ZNF16: variants seen among roughly 807,000 people sequenced by gnomAD.
The protein encoded by ZNF16 is zinc finger protein KOX9.
In ZNF16, 7 loss-of-function variants were observed where a neutral mutation model predicts 9.0. That is an observed-to-expected ratio of 0.78 (90% confidence interval 0.44 to 1.47). The LOEUF (loss-of-function observed/expected upper bound fraction) is 1.47, where lower values mean the gene tolerates loss of function less well. ZNF16 is among the 40% of genes most tolerant of loss of function. The pLI, the probability that ZNF16 is intolerant of heterozygous loss-of-function variation, is 0.01. For missense variants in ZNF16, 830 were observed against 854.2 expected (o/e 0.97, Z 0.35); for synonymous variants, 312 against 301.5 (o/e 1.03, Z -0.36).
chr8:144,943,503 C>T (rs1833851590), intron 2 of ZNF16, among the ~76,000 whole-genome samples: 1 of 151,978 alleles, frequency 6.6e-6, no homozygotes, highest in African/African-American at 2.4e-5. Flanking sequence ...GTCTCATGGT[C>T]CATTAAGTTC....
chr8:144,937,276 C>T (rs567024379), intron 2 of ZNF16, among the ~76,000 whole-genome samples: 10 of 151,170 alleles, frequency 6.6e-5, no homozygotes, highest in Admixed American at 1.3e-4. Context: ...GCTGGAACTA[C>T]GGGCACATGC....
At chr8:144,940,268 T>C (rs1403448121) in intron 2 of ZNF16, among the ~76,000 whole-genome samples, 1 of 152,068 alleles carries the variant, frequency 6.6e-6, no homozygotes, top group Non-Finnish European at 1.5e-5. Context: ...TTAGTAGAGA[T>C]GGGGTCTCAA....
At chr8:144,950,053 T>C (rs1047118687) in intron 1 of ZNF16, among the ~76,000 whole-genome samples, 1 of 152,234 alleles carries the variant, frequency 6.6e-6, no homozygotes, top group South Asian at 2.1e-4. Flanking sequence ...AGGTGAGACA[T>C]GTTGGCAGCA....
intron 1 of ZNF16, among the ~76,000 whole-genome samples, chr8:144,948,795 C>T (rs1834021611): frequency 6.6e-6 from 1 of 152,144 alleles, no homozygotes; most frequent in African/African-American, 2.4e-5. Flanking sequence ...TCTTGCTTAC[C>T]AGGACACAGA....
chr8:144,941,040 G>GT (rs1444611643), intron 2 of ZNF16, among the ~76,000 whole-genome samples: 1 of 152,126 alleles, frequency 6.6e-6, no homozygotes, highest in Non-Finnish European at 1.5e-5. Flanking sequence ...GAGGGGAGGG[G>GT]TTGGGGGGGA....
chr8:144,945,203 A>C (rs1304756642), intron 2 of ZNF16: 1 of 151,496 alleles, frequency 6.6e-6, no homozygotes, highest in Non-Finnish European at 1.5e-5. Context: ...CAGTGGCATG[A>C]TCTTAGCTCA....
In ZNF16 at chr8:144,931,830, C is replaced by A. The variant is rs964768694; in HGVS notation, c.957G>T (p.Lys319Asn). The A allele has an allele frequency of 6.2e-7, 1 of 1,614,226 alleles. No individual in the cohort carries two copies. The highest frequency in any genetic ancestry group is 2.2e-5 in the East Asian group (1 of 44,882). Reference protein sequence around the residue: ...KKHQKSHMSEKPYECNECGKA... With the variant: ...KKHQKSHMSENPYECNECGKA... ...TCCCACATTCATTGCATTCATAGGG[C>A]TTCTCACTCATGTGAGACTTTTGGT... Residue 319 changes from lysine (K) to asparagine (N), a missense_variant, in exon 3 of 3, where the codon AAG becomes AAT. Transcript: ENST00000394909.
rs1415003501 is a variant in ZNF16 at position 144,932,661 on chromosome 8, T to G, written c.197-71A>C. 3 of 1,517,756 alleles carry G rather than the reference T, an allele frequency of 2.0e-6. No homozygotes were observed. Among genetic ancestry groups the G allele is most frequent in the African/African-American group, 1.4e-5 (1 of 72,658 alleles). 94.0% of individuals were successfully genotyped at this position (1,517,756 alleles called of 1,614,324 possible). A position where few individuals can be genotyped will look rare whatever the true frequency, so the allele number is the denominator to read the frequency against. ...GGAGCAGGAACATAGACAGTCACAG[T>G]TGCACCCACTAACTGTGGAGGAGGC... On this transcript the variant is annotated intron_variant, in intron 2 of 2. Transcript: ENST00000394909. The surrounding 1 kb of genome is among the most constrained non-coding windows in gnomAD (Gnocchi z 5.0).
Position 144,930,595 on chromosome 8 carries a change from G to A in ZNF16, c.*143C>T. 1.2e-6 allele frequency: 1 copy of A among 834,388 alleles called. No individual in the cohort carries two copies. The highest frequency in any genetic ancestry group is 1.8e-6 in the Non-Finnish European group (1 of 555,908). 51.7% of individuals were successfully genotyped at this position (834,388 alleles called of 1,614,324 possible). ...GCCTGTAAAGGATGTTTCAAAGGAGGGTCCCAGGCTATGTGGCCACTGGAT... is the reference window on the plus strand; with the variant it reads ...GCCTGTAAAGGATGTTTCAAAGGAGAGTCCCAGGCTATGTGGCCACTGGAT... On this transcript the variant is annotated 3_prime_UTR_variant, in exon 3 of 3. Transcript: ENST00000394909.
rs1586945823 is a variant in ZNF16 at position 144,930,633 on chromosome 8, C to G, written c.*105G>C. On this transcript the variant is annotated 3_prime_UTR_variant, in exon 3 of 3. Transcript: ENST00000394909. ...GTGGCCACTGGATGTAGGCAGTGAG[C>G]TGAGTCCAGGCTTTCGGTCTGGGAA... 2.3e-6 allele frequency: 3 copies of G among 1,322,450 alleles called. No homozygotes were observed. The highest frequency in any genetic ancestry group is 4.7e-5 in the East Asian group (2 of 42,542). 81.9% of individuals were successfully genotyped at this position (1,322,450 alleles called of 1,614,324 possible).
Position 144,946,185 on chromosome 8 carries a change from G to A in ZNF16, c.22C>T (p.Arg8Cys), listed in dbSNP as rs142477484. The change falls in exon 2 of 3, where the codon CGT becomes TGT. Residue 8 changes from arginine to cysteine, a missense_variant. Coordinates refer to ENST00000394909, the MANE Select transcript of ZNF16 (RefSeq NM_006958.3). The stretch of plus-strand genomic sequence containing the variant: ...GAGAGCTCCATCTCTGCCTCCTCAC[G>A]GCGAGTTCTGAGGCTGGGCATGACA... MPSLRTR[R>C]EEAEMELSVP... The A allele has an allele frequency of 9.8e-6, 15 of 1,531,108 alleles. No homozygotes were observed. In the Admixed American group the frequency reaches 1.5e-4, roughly 16 times the overall value. 94.8% of individuals were successfully genotyped at this position (1,531,108 alleles called of 1,614,324 possible).
At chr8:144,949,433 G>A (rs966689948) in intron 1 of ZNF16, among the ~76,000 whole-genome samples, 3 of 152,208 alleles carry the variant, frequency 2.0e-5, no homozygotes, top group South Asian at 2.1e-4. Flanking sequence ...CCACCCCATC[G>A]CACTGCTGCC....
intron 2 of ZNF16, among the ~76,000 whole-genome samples, chr8:144,942,046 T>C (rs1362153555): frequency 3.5e-5 from 5 of 143,064 alleles, no homozygotes; most frequent in African/African-American, 1.1e-4. Flanking sequence ...GGCGCGATCT[T>C]GGCTCATTGC....
At chr8:144,938,095 T>C (rs1833725882) in intron 2 of ZNF16, among the ~76,000 whole-genome samples, 1 of 152,230 alleles carries the variant, frequency 6.6e-6, no homozygotes, top group Non-Finnish European at 1.5e-5. Context: ...TATGTATGCG[T>C]TTATTTCTGG....
At position 144,930,711 on chromosome 8, in the gene ZNF16, C is replaced by T. The variant is rs369397168; in HGVS notation, c.*27G>A. 4.6e-5 allele frequency: 69 copies of T among 1,515,348 alleles called. No homozygotes were observed. Among genetic ancestry groups the T allele is most frequent in the East Asian group, 2.5e-4 (11 of 44,008 alleles). The allele number at this position is 1,515,348 out of a possible 1,614,324, so 93.9% of individuals were successfully genotyped here. ...GAGGAGTTGGAGAGGAAACTATGCTCGGTTTCACTCCTGCCAGCCCAACAG... is the reference window on the plus strand; with the variant it reads ...GAGGAGTTGGAGAGGAAACTATGCTTGGTTTCACTCCTGCCAGCCCAACAG... On this transcript the variant is annotated 3_prime_UTR_variant, in exon 3 of 3. Coordinates refer to ENST00000394909, the MANE Select transcript of ZNF16 (RefSeq NM_006958.3).
chr8:144,934,813 C>CG (rs1833642317), intron 2 of ZNF16, among the ~76,000 whole-genome samples: 1 of 152,168 alleles, frequency 6.6e-6, no homozygotes. Context: ...ACATACATTA[C>CG]GGCTGTATGA....
At chr8:144,937,821 A>C (rs58179773) in intron 2 of ZNF16, among the ~76,000 whole-genome samples, 41,190 of 151,194 alleles carry the variant, frequency 0.27, 5,613 homozygotes, top group East Asian at 0.38. Flanking sequence ...CACCAACACA[A>C]CTGGCTATTT....
intron 1 of ZNF16, among the ~76,000 whole-genome samples, chr8:144,949,764 G>T (rs1029743434): frequency 7.9e-5 from 12 of 152,294 alleles, no homozygotes; most frequent in Non-Finnish European, 1.3e-4. Flanking sequence ...AAGCCACAGG[G>T]ACTTCTGCCT....
chr8:144,935,713 G>A lies in ZNF16; in HGVS notation c.197-3123C>T, dbSNP rs191685468. Among the ~76,000 whole-genome samples, 48 of 152,290 alleles carry A rather than the reference G, an allele frequency of 3.2e-4. No individual in the cohort carries two copies. In the East Asian group the frequency reaches 8.9e-3, roughly 28 times the overall value. The stretch of plus-strand genomic sequence containing the variant: ...GACTTTTACGATGAGTGACCTCCAG[G>A]TTTGTGGAACAGCTTGGATAATTAC... On this transcript the variant is annotated intron_variant, in intron 2 of 2. Transcript: ENST00000394909.
Sources: allele counts gnomAD v4.1 joint callset (sites outside exome capture counted in the v4.1 genomes callset), GRCh38; gene constraint gnomAD v4.1.1; non-coding constraint Gnocchi (gnomAD v3.1); transcripts MANE v1.5; gene names NCBI Gene and HGNC (gene_info 2026-07-23, HGNC 2026-07-21).